The following PSMD14 variants were observed in gnomAD, a reference collection of about 807,000 sequenced individuals.
PSMD14 encodes ubiquitin C-terminal hydrolase PSMD14.
Under a neutral mutation model 41.2 loss-of-function variants are expected in PSMD14, and 7 were observed. The ratio of observed to expected loss-of-function variants is 0.17; its 90% CI spans 0.10 to 0.32. PSMD14 has a LOEUF of 0.32. Ranked by LOEUF, PSMD14 falls within the 10% of genes least tolerant of loss-of-function variation. PSMD14 has a pLI of 1.00. For synonymous variants in PSMD14, 114 were observed against 122.3 expected (o/e 0.93, Z 0.45); for missense variants, 139 against 375.6 (o/e 0.37, Z 5.21).
intron 1 of PSMD14, among the ~76,000 whole-genome samples, chr2:161,309,680 G>A (rs1462067613): frequency 6.6e-6 from 1 of 152,202 alleles, no homozygotes; most frequent in Non-Finnish European, 1.5e-5. Context: ...GTTAAGGTGT[G>A]TTTAGTGAAG....
intron 10 of PSMD14, chr2:161,408,162 TTTAG>T (rs1683978422): frequency 6.6e-6 from 1 of 152,144 alleles, no homozygotes; most frequent in Admixed American, 6.6e-5. Context: ...ATATTTGGTT[TTTAG>T]TTCAGGTAAT....
At chr2:161,310,302 A>G (rs1340898356) in intron 1 of PSMD14, among the ~76,000 whole-genome samples, 1 of 152,212 alleles carries the variant, frequency 6.6e-6, no homozygotes, top group Non-Finnish European at 1.5e-5. Flanking sequence ...TATTGTTATT[A>G]TCTTAGAAGT....
chr2:161,364,098 G>A (rs1341922516), intron 3 of PSMD14, among the ~76,000 whole-genome samples: 2 of 152,146 alleles, frequency 1.3e-5, no homozygotes, highest in Non-Finnish European at 2.9e-5. Context: ...CCAGAAGGGA[G>A]ATGGTTTTCC....
chr2:161,320,767 C>T (rs1435836468), intron 3 of PSMD14, among the ~76,000 whole-genome samples: 2 of 151,956 alleles, frequency 1.3e-5, no homozygotes, highest in South Asian at 4.2e-4. Flanking sequence ...ACTCTGTCGC[C>T]CAGGCTGGAA....
At chr2:161,377,329 C>A (rs1198993621) in intron 7 of PSMD14, among the ~76,000 whole-genome samples, 1 of 151,776 alleles carries the variant, frequency 6.6e-6, no homozygotes, top group Non-Finnish European at 1.5e-5. Flanking sequence ...ATGAGCATAC[C>A]CTTCCAAGGT....
chr2:161,394,130 C>T (rs1368033897), intron 9 of PSMD14, among the ~76,000 whole-genome samples: 1 of 151,802 alleles, frequency 6.6e-6, no homozygotes, highest in East Asian at 1.9e-4. Flanking sequence ...TGCCACCACA[C>T]CCAGCTAATT....
chr2:161,347,926 G>A (rs1034909328), intron 3 of PSMD14, among the ~76,000 whole-genome samples: 6 of 152,122 alleles, frequency 3.9e-5, no homozygotes, highest in East Asian at 1.9e-4. Flanking sequence ...AGTGAGCTAC[G>A]GCTTGGGAAA....
chr2:161,323,046 A>G (rs1354229501), intron 3 of PSMD14, among the ~76,000 whole-genome samples: 2 of 152,188 alleles, frequency 1.3e-5, no homozygotes, highest in Admixed American at 6.5e-5. Context: ...TCTACTGCAT[A>G]CTGCCATTAA....
At chr2:161,377,429 C>T (rs1335865537) in intron 7 of PSMD14, among the ~76,000 whole-genome samples, 1 of 151,774 alleles carries the variant, frequency 6.6e-6, no homozygotes, top group Non-Finnish European at 1.5e-5. Context: ...ATAACACTCT[C>T]AGATCTTGTG....
intron 3 of PSMD14, among the ~76,000 whole-genome samples, chr2:161,321,787 G>A (rs1280468692): frequency 1.3e-5 from 2 of 152,152 alleles, no homozygotes; most frequent in Non-Finnish European, 2.9e-5. Context: ...AGACACACAG[G>A]ATGGGGTCTG....
chr2:161,373,648 A>T (rs1248410451), intron 7 of PSMD14, among the ~76,000 whole-genome samples: 1 of 151,960 alleles, frequency 6.6e-6, no homozygotes, highest in Non-Finnish European at 1.5e-5. Flanking sequence ...TAGTAAGGCA[A>T]TGATTAGATC....
intron 8 of PSMD14, among the ~76,000 whole-genome samples, chr2:161,386,380 AC>A (rs1374896294): frequency 6.6e-6 from 1 of 151,820 alleles, no homozygotes; most frequent in Non-Finnish European, 1.5e-5. Context: ...CCCTTCTGAA[AC>A]CTTGCTCTGT....
chr2:161,404,852 T>G (rs976629412), intron 10 of PSMD14, among the ~76,000 whole-genome samples: 12 of 152,222 alleles, frequency 7.9e-5, no homozygotes, highest in African/African-American at 2.9e-4. Context: ...GCCTTTGCTA[T>G]GAGCATTTCC....
At chr2:161,392,506 TG>T (rs1045030982) in intron 9 of PSMD14, among the ~76,000 whole-genome samples, 1 of 152,042 alleles carries the variant, frequency 6.6e-6, no homozygotes, top group South Asian at 2.1e-4. Flanking sequence ...ATCTATATGC[TG>T]GGGGGGAGGA....
chr2:161,317,097 A>G (rs1226549531), intron 2 of PSMD14, among the ~76,000 whole-genome samples: 1 of 152,146 alleles, frequency 6.6e-6, no homozygotes, highest in Non-Finnish European at 1.5e-5. Context: ...TATATTCTAG[A>G]GAATTGCTTT....
At chr2:161,331,269 T>A (rs927195740) in intron 3 of PSMD14, among the ~76,000 whole-genome samples, 1 of 151,972 alleles carries the variant, frequency 6.6e-6, no homozygotes, top group African/African-American at 2.4e-5. Flanking sequence ...TTTTTTTTTT[T>A]TTTTTATTTT....
intron 3 of PSMD14, among the ~76,000 whole-genome samples, chr2:161,339,673 G>A (rs540189834): frequency 6.6e-6 from 1 of 152,370 alleles, no homozygotes; most frequent in Non-Finnish European, 1.5e-5. Flanking sequence ...ACGACCTATT[G>A]TATCAATTAG....
At chr2:161,363,136 A>G (rs567114318) in intron 3 of PSMD14, among the ~76,000 whole-genome samples, 3 of 152,130 alleles carry the variant, frequency 2.0e-5, no homozygotes, top group Non-Finnish European at 4.4e-5. Flanking sequence ...CACAAACAGT[A>G]TTTTGAACAC....
intron 10 of PSMD14, chr2:161,407,665 A>G (rs1001810522): frequency 2.0e-5 from 3 of 152,132 alleles, no homozygotes; most frequent in African/African-American, 4.8e-5. Flanking sequence ...TTGTTCGCAC[A>G]TGAAGAAATT....
Sources: gnomAD v4.1 joint callset for allele counts (sites outside exome capture counted in the v4.1 genomes callset) on GRCh38, gnomAD v4.1.1 for gene constraint, MANE v1.5 for transcripts, NCBI Gene and HGNC (gene_info 2026-07-23, HGNC 2026-07-21) for gene names.